Variants in ARHGEF10 observed in about 807,000 individuals in gnomAD.
The protein encoded by ARHGEF10 is Rho guanine nucleotide exchange factor 10, also known as Rho guanine nucleotide exchange factor (GEF) 10.
ARHGEF10 carries 140 observed loss-of-function variants against 147.4 expected under a neutral mutation model. The ratio of observed to expected loss-of-function variants is 0.95; its 90% CI spans 0.83 to 1.09. The LOEUF is 1.09. Among genes scored for constraint, ARHGEF10 ranks in the 50% least tolerant of loss-of-function variants. The pLI is 0.00. For missense variants in ARHGEF10, 2,222 were observed against 1,752.7 expected (o/e 1.27, Z -4.78); for synonymous variants, 902 against 695.8 (o/e 1.30, Z -4.67).
At chr8:1,870,636 C>T (rs1379797247) in intron 7 of ARHGEF10, 1 of 152,108 alleles carries the variant, frequency 6.6e-6, no homozygotes, top group Non-Finnish European at 1.5e-5. Context: ...AATGTTAAGC[C>T]ATAAGCAAGG....
In ARHGEF10 at chr8:1,958,480, T is replaced by C. The variant is rs549521924; in HGVS notation, c.*1217T>C. 6.6e-6 allele frequency: 1 copy of C among 152,332 alleles called. No homozygotes were observed. The highest frequency in any genetic ancestry group is 1.9e-4 in the East Asian group (1 of 5,190). 9.4% of individuals were successfully genotyped at this position (152,332 alleles called of 1,614,324 possible). A position where few individuals can be genotyped will look rare whatever the true frequency, so the allele number is the denominator to read the frequency against. Reference sequence around the variant, plus strand: ...CACAGGCAGGCACCAGAAATAAATGTCTCAGCACTTTACAGATGACTAAAA... The same window carrying C: ...CACAGGCAGGCACCAGAAATAAATGCCTCAGCACTTTACAGATGACTAAAA... On this transcript the variant is annotated 3_prime_UTR_variant, in exon 29 of 29. Transcript: ENST00000349830.
intron 15 of ARHGEF10, among the ~76,000 whole-genome samples, chr8:1,900,625 C>T (rs1810376190): frequency 6.6e-6 from 1 of 152,174 alleles, no homozygotes; most frequent in Non-Finnish European, 1.5e-5. Flanking sequence ...CAAATCTGTT[C>T]TTGTAAGAAT....
intron 14 of ARHGEF10, among the ~76,000 whole-genome samples, chr8:1,897,447 A>C (rs989049400): frequency 1.2e-4 from 17 of 138,750 alleles, no homozygotes; most frequent in African/African-American, 3.2e-4. Context: ...CGCAGTTCCC[A>C]CTCTCGACAG....
chr8:1,888,134 C>CGAGGAGACAGTGAGTGGGGTGAGGGTTGT (rs1808883532), intron 11 of ARHGEF10, among the ~76,000 whole-genome samples: 1 of 68,564 alleles, frequency 1.5e-5, no homozygotes, highest in African/African-American at 7.5e-5. Context: ...TGAGGGTTTG[C>CGAGGAGACAGTGAGTGGGGTGAGGGTTGT]GAGGAGACAC....
intron 1 of ARHGEF10, among the ~76,000 whole-genome samples, chr8:1,841,830 G>GCGGCGGGAACTGGGT (rs1804062360): frequency 3.3e-5 from 3 of 90,368 alleles, no homozygotes; most frequent in Non-Finnish European, 5.1e-5. Context: ...GGGAACTGGG[G>GCGGCGGGAACTGGGT]CCGCGACGGG....
chr8:1,851,176 TTTAG>T lies in ARHGEF10; in HGVS notation c.38-6779_38-6776del, dbSNP rs1168714153. The stretch of plus-strand genomic sequence containing the variant: ...GCGAGGCCTCACGCACACCGTGGGC[TTTAG>T]TTAGCGACGTACCTCAACATCATTA... On this transcript the variant is annotated intron_variant, in intron 2 of 28. Coordinates refer to ENST00000349830, the MANE Select transcript of ARHGEF10 (RefSeq NM_014629.4). Among the ~76,000 whole-genome samples the T allele has an allele frequency of 5.0e-4, 75 of 151,206 alleles. 1 individual carries two copies. The highest frequency in any genetic ancestry group is 1.8e-3 in the African/African-American group (73 of 41,122).
chr8:1,900,197 C>G (rs1461706824), intron 15 of ARHGEF10, among the ~76,000 whole-genome samples: 1 of 151,922 alleles, frequency 6.6e-6, no homozygotes, highest in African/African-American at 2.4e-5. Flanking sequence ...CTATTTTTGC[C>G]TAGGTTTTTT....
chr8:1,869,081 A>G, intron 6 of ARHGEF10, 113 bp from the exon 7 acceptor site: 3 of 1,046,800 alleles, frequency 2.9e-6, no homozygotes, highest in Non-Finnish European at 4.5e-6. Flanking sequence ...CTACCCTTAT[A>G]AACCAACTTT....
chr8:1,878,077 C>T (rs967899817), intron 8 of ARHGEF10, among the ~76,000 whole-genome samples: 2 of 152,244 alleles, frequency 1.3e-5, no homozygotes, highest in African/African-American at 4.8e-5. Flanking sequence ...TCTTGGCAGT[C>T]AGCTCACCTA....
intron 17 of ARHGEF10, among the ~76,000 whole-genome samples, chr8:1,906,925 C>T (rs59301209): frequency 0.042 from 6,407 of 152,270 alleles, 433 homozygotes; most frequent in African/African-American, 0.15. Flanking sequence ...TCTTTAATGA[C>T]ACTCCTTCTT....
intron 11 of ARHGEF10, among the ~76,000 whole-genome samples, chr8:1,889,959 G>C (rs1268988791): frequency 1.3e-5 from 2 of 148,434 alleles, no homozygotes; most frequent in African/African-American, 5.0e-5. Context: ...ACTGAGTGGG[G>C]GAGGGGTATG....
chr8:1,942,019 G>A (rs1466722305), intron 26 of ARHGEF10, among the ~76,000 whole-genome samples: 2 of 151,990 alleles, frequency 1.3e-5, no homozygotes, highest in Non-Finnish European at 2.9e-5. Flanking sequence ...CACCTTAAAA[G>A]AAATTATAGG....
intron 11 of ARHGEF10, among the ~76,000 whole-genome samples, chr8:1,890,406 G>A (rs1316970465): frequency 1.3e-5 from 2 of 149,978 alleles, no homozygotes; most frequent in African/African-American, 4.9e-5. Context: ...ATTGGGTGAG[G>A]GTTGTGAGAA....
At chr8:1,834,614 G>C (rs193144373) in intron 1 of ARHGEF10, among the ~76,000 whole-genome samples, 1 of 152,230 alleles carries the variant, frequency 6.6e-6, no homozygotes, top group African/African-American at 2.4e-5. Context: ...TCCCCTTTCC[G>C]TAAGCATTGA....
chr8:1,855,772 A>C (rs917982107), intron 2 of ARHGEF10, among the ~76,000 whole-genome samples: 3 of 151,936 alleles, frequency 2.0e-5, no homozygotes, highest in African/African-American at 7.3e-5. Flanking sequence ...GGCAAACATG[A>C]TTTTTTCTCC....
chr8:1,849,914 C>G (rs1804920753), intron 2 of ARHGEF10, among the ~76,000 whole-genome samples: 1 of 144,056 alleles, frequency 6.9e-6, no homozygotes, highest in East Asian at 2.1e-4. Context: ...AGGGCAAATG[C>G]TGAGGAGGGC....
At chr8:1,907,920 T>C (rs1811031357) in intron 17 of ARHGEF10, among the ~76,000 whole-genome samples, 1 of 152,180 alleles carries the variant, frequency 6.6e-6, no homozygotes, top group South Asian at 2.1e-4. Flanking sequence ...ACCTCCTCTG[T>C]AGGGATGGAG....
chr8:1,855,844 T>C (rs932304119), intron 2 of ARHGEF10, among the ~76,000 whole-genome samples: 16 of 152,192 alleles, frequency 1.1e-4, no homozygotes, highest in African/African-American at 3.6e-4. Context: ...AAACAGTTTT[T>C]TTGTTTGTTT....
intron 1 of ARHGEF10, among the ~76,000 whole-genome samples, chr8:1,841,192 T>G (rs954905012): frequency 7.9e-5 from 12 of 152,078 alleles, no homozygotes; most frequent in Admixed American, 6.5e-5. Flanking sequence ...GTTTCTCCAT[T>G]GAAAAATAAT....
Sources: allele counts gnomAD v4.1 joint callset (sites outside exome capture counted in the v4.1 genomes callset), GRCh38; gene constraint gnomAD v4.1.1; transcripts MANE v1.5; gene names NCBI Gene and HGNC (gene_info 2026-07-23, HGNC 2026-07-21).